Variants in LARP1B observed in about 807,000 individuals in gnomAD.
LARP1B encodes the protein La ribonucleoprotein 1B.
Under a neutral mutation model 114.2 loss-of-function variants are expected in LARP1B, and 76 were observed. The observed-to-expected ratio is 0.67, with a 90% CI of 0.55 to 0.81. The LOEUF (loss-of-function observed/expected upper bound fraction) is 0.81, where lower values mean the gene tolerates loss of function less well. LARP1B is among the 30% of genes least tolerant of loss of function. The pLI is 0.00. For missense variants in LARP1B, 1,014 were observed against 1,075.8 expected, an observed-to-expected ratio of 0.94 and a Z score of 0.80; for synonymous variants, 345 against 348.0, an observed-to-expected ratio of 0.99 and a Z score of 0.10.
chr4:128,065,928 G>T (rs111283594), intron 1 of LARP1B, among the ~76,000 whole-genome samples: 1 of 151,984 alleles, frequency 6.6e-6, no homozygotes, highest in Non-Finnish European at 1.5e-5. Flanking sequence ...CAATTCCCCT[G>T]CCTTGGCATC....
In LARP1B at chr4:128,202,410, A is replaced by C. The variant is rs565950289; in HGVS notation, c.2309+1745A>C. Among the ~76,000 whole-genome samples, 445 of 152,312 alleles carry C rather than the reference A, an allele frequency of 2.9e-3. 4 individuals carry two copies. Among genetic ancestry groups the C allele is most frequent in the African/African-American group, 0.01 (427 of 41,586 alleles). On this transcript the variant is annotated intron_variant, in intron 17 of 19. Coordinates refer to ENST00000326639, the MANE Select transcript of LARP1B (RefSeq NM_018078.4). ...TAATTCATACATATGAATTTAATTC[A>C]TACCCATATACATACAAATTTAAGA... is the stretch of plus-strand genomic sequence containing the variant.
chr4:128,219,911 G>T (rs1287543164), intron 6 of LARP1B, among the ~76,000 whole-genome samples: 1 of 152,102 alleles, frequency 6.6e-6, no homozygotes, highest in Non-Finnish European at 1.5e-5. Flanking sequence ...TTGAGACAGA[G>T]TTTCGCTCTT....
chr4:128,213,080 G>A (rs189933483), downstream of LARP1B, among the ~76,000 whole-genome samples: 45 of 151,774 alleles, frequency 3.0e-4, 1 homozygote, highest in East Asian at 4.8e-3. Context: ...CACTATGCCC[G>A]GCTAATTTTG....
At chr4:128,086,094 A>G (rs911749635) in intron 5 of LARP1B, among the ~76,000 whole-genome samples, 1 of 145,942 alleles carries the variant, frequency 6.9e-6, no homozygotes, top group African/African-American at 2.5e-5. Context: ...GCTCGCTGCA[A>G]GTTCCGCCTC....
intron 5 of LARP1B, among the ~76,000 whole-genome samples, chr4:128,084,811 C>G (rs887796820): frequency 6.6e-6 from 1 of 152,040 alleles, no homozygotes; most frequent in African/African-American, 2.4e-5. Context: ...TTGATTACCC[C>G]TGTAACTTTA....
chr4:128,162,338 G>A, intron 12 of LARP1B, 21 bp downstream of exon 12: 6 of 1,606,494 alleles, frequency 3.7e-6, no homozygotes, highest in Non-Finnish European at 4.3e-6. Context: ...CTGCTTTTGT[G>A]TAAGTGTCTG....
chr4:128,104,547 C>T (rs1261667678), intron 8 of LARP1B, among the ~76,000 whole-genome samples: 4 of 151,580 alleles, frequency 2.6e-5, no homozygotes, highest in South Asian at 4.2e-4. Flanking sequence ...CAGTTTCAAG[C>T]GATTCTCCTG....
chr4:128,063,896 TA>T (rs1465651134), intron 1 of LARP1B, among the ~76,000 whole-genome samples: 2 of 151,952 alleles, frequency 1.3e-5, no homozygotes, highest in Non-Finnish European at 2.9e-5. Context: ...TATTTAAAAT[TA>T]AAGGTTAGCA....
chr4:128,194,087 A>T (rs1753186449), intron 15 of LARP1B, among the ~76,000 whole-genome samples: 1 of 151,378 alleles, frequency 6.6e-6, no homozygotes, highest in Non-Finnish European at 1.5e-5. Flanking sequence ...CTATTTATTT[A>T]TTGAGATGCA....
At chr4:128,098,411 C>A (rs775685438) in intron 8 of LARP1B, 81 bp downstream of exon 8, 7 of 1,193,234 alleles carry the variant, frequency 5.9e-6, no homozygotes, top group Non-Finnish European at 8.3e-6. Flanking sequence ...AAACAGAGTA[C>A]TAAAAACAGA....
At chr4:128,157,873 T>C (rs2150391263) in intron 11 of LARP1B, among the ~76,000 whole-genome samples, 2 of 151,982 alleles carry the variant, frequency 1.3e-5, no homozygotes, top group South Asian at 4.2e-4. Context: ...TTAAAGAAAA[T>C]ACTAAAGGGA....
At chr4:128,185,005 C>CAT (rs1436022427) in intron 15 of LARP1B, among the ~76,000 whole-genome samples, 1 of 152,104 alleles carries the variant, frequency 6.6e-6, no homozygotes, top group East Asian at 1.9e-4. Flanking sequence ...CACATATATA[C>CAT]ATATATACAC....
chr4:128,104,567 C>G (rs1781420569), intron 8 of LARP1B, among the ~76,000 whole-genome samples: 1 of 152,074 alleles, frequency 6.6e-6, no homozygotes, highest in Non-Finnish European at 1.5e-5. Flanking sequence ...GCCTCAGCCT[C>G]CCGAGTAGCT....
intron 11 of LARP1B, among the ~76,000 whole-genome samples, chr4:128,126,113 CTTT>C (rs76050129): frequency 1.5e-5 from 2 of 136,030 alleles, no homozygotes; most frequent in African/African-American, 6.0e-5. Flanking sequence ...TTAAAATAAT[CTTT>C]TTTTTTTTTT....
chr4:128,192,877 G>A (rs569601255), intron 15 of LARP1B, among the ~76,000 whole-genome samples: 1 of 151,634 alleles, frequency 6.6e-6, no homozygotes, highest in East Asian at 1.9e-4. Context: ...CTTTCACCCA[G>A]GATAGAGTGC....
chr4:128,176,786 A>C, intron 12 of LARP1B, 86 bp from the exon 13 acceptor site: 2 of 1,294,910 alleles, frequency 1.5e-6, no homozygotes, highest in Non-Finnish European at 2.2e-6. Context: ...ATATGTAAGA[A>C]AATAAATTTT....
intron 10 of LARP1B, among the ~76,000 whole-genome samples, chr4:128,120,572 C>G (rs1030567598): frequency 6.6e-6 from 1 of 151,422 alleles, no homozygotes. Flanking sequence ...AGGGTTCAAG[C>G]GATTCTCCTG....
chr4:128,152,174 T>C (rs1204137659), intron 11 of LARP1B, among the ~76,000 whole-genome samples: 3 of 151,890 alleles, frequency 2.0e-5, no homozygotes, highest in Admixed American at 6.6e-5. Flanking sequence ...GATTTTTGCT[T>C]GAATCAGCTA....
intron 15 of LARP1B, among the ~76,000 whole-genome samples, chr4:128,191,264 C>T (rs568065943): frequency 3.3e-5 from 5 of 152,202 alleles, no homozygotes; most frequent in African/African-American, 1.2e-4. Context: ...TCCCTGACTC[C>T]TTGCTTTGTG....
Sources: allele counts gnomAD v4.1 joint callset (sites outside exome capture counted in the v4.1 genomes callset), GRCh38; gene constraint gnomAD v4.1.1; transcripts MANE v1.5; gene names NCBI Gene and HGNC (gene_info 2026-07-23, HGNC 2026-07-21).